TAF6: variants seen among roughly 807,000 people sequenced by gnomAD.
TAF6 encodes transcription initiation factor TFIID subunit 6.
TAF6 carries 50 observed loss-of-function variants against 73.5 expected under a neutral mutation model. That is an observed-to-expected ratio of 0.68 (90% confidence interval 0.54 to 0.86). The LOEUF (loss-of-function observed/expected upper bound fraction) is 0.86, where lower values mean the gene tolerates loss of function less well. TAF6 is among the 40% of genes least tolerant of loss of function. The pLI is 0.00. For synonymous variants in TAF6, 424 were observed against 376.7 expected, an observed-to-expected ratio of 1.13 and a Z score of -1.45; for missense variants, 768 against 899.5, an observed-to-expected ratio of 0.85 and a Z score of 1.87.
chr7:100,114,529 G>C, intron 1 of TAF6: 1 of 599,606 alleles, frequency 1.7e-6, no homozygotes, highest in Non-Finnish European at 3.0e-6. Context: ...AGACCAGCCT[G>C]GCCAACATGG....
chr7:100,107,165 G>T lies in TAF6; in HGVS notation c.*81C>A. 1 of 1,503,816 alleles carries T rather than the reference G, an allele frequency of 6.6e-7. No homozygotes were observed. The highest frequency in any genetic ancestry group is 8.9e-7 in the Non-Finnish European group (1 of 1,126,292). The allele number at this position is 1,503,816 out of a possible 1,614,324, so 93.2% of individuals were successfully genotyped here. On this transcript the variant is annotated 3_prime_UTR_variant, in exon 15 of 15. Coordinates refer to ENST00000453269, the MANE Select transcript of TAF6 (RefSeq NM_139315.3). ...AGGAAGCAATCTACAACTTCCTTCC[G>T]CTTAGCGAGCATGCATGTGTGTACG...
the TAF6 span, among the ~76,000 whole-genome samples, chr7:100,126,148 T>A: frequency 6.6e-6 from 1 of 151,986 alleles, no homozygotes; most frequent in East Asian, 1.9e-4. Context: ...ATCGTGCCAC[T>A]GCACTCCAGC....
chr7:100,122,866 G>C (rs867344467), upstream of TAF6: 1 of 1,613,832 alleles, frequency 6.2e-7, no homozygotes, highest in Non-Finnish European at 8.5e-7. Flanking sequence ...CTGGAGCTTT[G>C]GGATGAGCCC....
chr7:100,107,730 G>C (rs1366898354), intron 14 of TAF6, 107 bp from the exon 15 acceptor site: 3 of 1,493,076 alleles, frequency 2.0e-6, no homozygotes, highest in Non-Finnish European at 2.7e-6. Flanking sequence ...TGTTCCTGTA[G>C]TTCACCCTGT....
At chr7:100,110,350 CA>C in intron 10 of TAF6, 76 bp from the exon 11 acceptor site, 4 of 1,495,344 alleles carry the variant, frequency 2.7e-6, no homozygotes, top group Non-Finnish European at 9.3e-7. Flanking sequence ...CTTTCATAGA[CA>C]CTTTCCTTGT....
At chr7:100,122,280 A>G, upstream of TAF6, 3 of 1,614,026 alleles carry the variant, frequency 1.9e-6, no homozygotes, top group South Asian at 1.1e-5. Flanking sequence ...CTGAGCACAG[A>G]GCTACAGGCG....
upstream of TAF6, chr7:100,119,549 T>C: frequency 7.2e-7 from 1 of 1,394,000 alleles, no homozygotes; most frequent in East Asian, 2.6e-5. Context: ...GCCAGGACCT[T>C]CAAGAGGCGC....
chr7:100,122,094 G>A (rs1204098240), upstream of TAF6: 5 of 683,134 alleles, frequency 7.3e-6, no homozygotes, highest in East Asian at 3.0e-5. Context: ...ACAGCAAGCA[G>A]GAAGATTGCC....
chr7:100,112,855 C>G lies in TAF6; in HGVS notation c.517G>C (p.Glu173Gln), dbSNP rs1410566414. ...TTGCCCTTCAGGGGTCCGTCTTCCT[C>G]CTGGCCTGGCTTGGCTGACTTCAGG... ...EPLKSAKPGQ[E>Q]EDGPLKGKGQ... Residue 173 changes from glutamate (E) to glutamine (Q), a missense_variant, in exon 6 of 15, where the codon GAG becomes CAG. Physicochemically the swap from Glu to Gln is conservative, Grantham distance 29. Transcript: ENST00000453269. 1 of 1,613,994 alleles carries G rather than the reference C, an allele frequency of 6.2e-7. No individual in the cohort carries two copies. The highest frequency in any genetic ancestry group is 1.1e-5 in the South Asian group (1 of 91,076).
In TAF6 at chr7:100,111,976, C is replaced by T. The variant is rs750627253; in HGVS notation, c.744G>A (p.Thr248=). The change falls in exon 8 of 15, where the codon ACG becomes ACA. Residue 248 remains threonine (T), a synonymous_variant. Coordinates refer to ENST00000453269, the MANE Select transcript of TAF6 (RefSeq NM_139315.3). ...KRAEALQSIA[T]DPGLYQMLPR... The stretch of plus-strand genomic sequence containing the variant: ...GCAGCATCTGATACAGTCCAGGGTC[C>T]GTGGCAATGCTTTGCAGGGCTTCCT... The T allele has an allele frequency of 5.0e-6, 8 of 1,613,808 alleles. No homozygotes were observed. The highest frequency in any genetic ancestry group is 1.1e-5 in the South Asian group (1 of 91,056).
At chr7:100,121,998 C>T (rs563572264), upstream of TAF6, 283 of 353,118 alleles carry the variant, frequency 8.0e-4, 1 homozygote, top group Non-Finnish European at 3.8e-4. Flanking sequence ...GGCAGTGAGC[C>T]GAGACTGCGC....
intron 1 of TAF6, 199 bp from the exon 2 acceptor site, chr7:100,114,467 A>C: frequency 3.2e-6 from 2 of 630,096 alleles, no homozygotes; most frequent in Admixed American, 5.4e-5. Context: ...CTGTAATCCC[A>C]CCAGCACTTT....
At chr7:100,109,831 C>A in intron 12 of TAF6, 117 bp downstream of exon 12, 1 of 1,465,708 alleles carries the variant, frequency 6.8e-7, no homozygotes, top group African/African-American at 1.4e-5. Flanking sequence ...TCAGACTCTG[C>A]AATGTCCTCT....
At chr7:100,122,258 G>A (rs972157671), upstream of TAF6, 9 of 1,593,792 alleles carry the variant, frequency 5.6e-6, no homozygotes, top group South Asian at 1.1e-5. Context: ...CTCCCCACCA[G>A]TGTGTAAGCT....
In TAF6 at chr7:100,114,189, C is replaced by T; in HGVS notation, c.21G>A (p.Leu7=). The T allele has an allele frequency of 6.2e-7, 1 of 1,614,242 alleles. No individual in the cohort carries two copies. Among genetic ancestry groups the T allele is most frequent in the Non-Finnish European group, 8.5e-7 (1 of 1,180,046 alleles). MAEEKK[L]KLSNTVLPSE... ...AGGGCAGCACAGTGTTGCTAAGCTT[C>T]AGCTTCTTCTCCTCAGCCATTCTGG... The change falls in exon 2 of 15, where the codon CTG becomes CTA. Residue 7 remains leucine (L), a synonymous_variant. Coordinates refer to ENST00000453269, the MANE Select transcript of TAF6 (RefSeq NM_139315.3).
upstream of TAF6, chr7:100,119,651 A>T (rs1162869992): frequency 1.9e-6 from 3 of 1,609,352 alleles, no homozygotes; most frequent in Non-Finnish European, 2.5e-6. Context: ...GGCTGGATTT[A>T]AGGTTGCCGC....
chr7:100,118,883 G>C (rs754930704), intron 1 of TAF6: 18 of 985,296 alleles, frequency 1.8e-5, no homozygotes, highest in Non-Finnish European at 2.2e-5. Flanking sequence ...GACATACTCT[G>C]TGCCTGGCGC....
chr7:100,119,479 T>C (rs1185082560), upstream of TAF6: 17 of 1,357,782 alleles, frequency 1.3e-5, no homozygotes, highest in Admixed American at 1.9e-4. Flanking sequence ...TCTACATCTA[T>C]ATATAAGGAG....
intron 12 of TAF6, 79 bp from the exon 13 acceptor site, chr7:100,108,619 G>C (rs1265608224): frequency 6.1e-6 from 9 of 1,478,168 alleles, no homozygotes; most frequent in African/African-American, 1.4e-5. Context: ...TGACACTCTT[G>C]AGAAGAACCT....
Sources: allele counts gnomAD v4.1 joint callset (sites outside exome capture counted in the v4.1 genomes callset), GRCh38; gene constraint gnomAD v4.1.1; transcripts MANE v1.5; gene names NCBI Gene and HGNC (gene_info 2026-07-23, HGNC 2026-07-21).